The following AGTPBP1 variants were observed in gnomAD, a reference collection of about 807,000 sequenced individuals.
The protein encoded by AGTPBP1 is cytosolic carboxypeptidase 1.
Under a neutral mutation model 143.9 loss-of-function variants are expected in AGTPBP1, and 70 were observed. That is an observed-to-expected ratio of 0.49 (90% CI 0.40 to 0.59). The LOEUF (loss-of-function observed/expected upper bound fraction) is 0.59, where lower values mean the gene tolerates loss of function less well. Ranked by LOEUF, AGTPBP1 falls within the 20% of genes least tolerant of loss-of-function variation. The probability of loss-of-function intolerance (pLI) is 0.00; values close to 1 mark genes in which losing one functional copy is unlikely to be tolerated. For missense variants in AGTPBP1, 1,229 were observed against 1,464.5 expected, an observed-to-expected ratio of 0.84 and a Z score of 2.62; for synonymous variants, 463 against 500.2, an observed-to-expected ratio of 0.93 and a Z score of 0.99.
intron 14 of AGTPBP1, among the ~76,000 whole-genome samples, chr9:85,629,927 T>C (rs1831547486): frequency 1.3e-5 from 2 of 152,208 alleles, no homozygotes; most frequent in Admixed American, 6.5e-5. Flanking sequence ...GAGGCTTATA[T>C]AAAATTATGC....
At chr9:85,603,295 T>C (rs1829785094) in intron 17 of AGTPBP1, among the ~76,000 whole-genome samples, 1 of 152,134 alleles carries the variant, frequency 6.6e-6, no homozygotes, top group African/African-American at 2.4e-5. Flanking sequence ...TAAAAAGGTC[T>C]TTGTCTTGTA....
At chr9:85,597,095 T>G (rs184625345) in intron 17 of AGTPBP1, among the ~76,000 whole-genome samples, 220 of 152,266 alleles carry the variant, frequency 1.4e-3, no homozygotes, top group Non-Finnish European at 2.2e-3. Context: ...CTGGTTTGAC[T>G]TGCCTTAAAT....
At chr9:85,720,285 T>C (rs1838018039) in intron 1 of AGTPBP1, among the ~76,000 whole-genome samples, 1 of 152,214 alleles carries the variant, frequency 6.6e-6, no homozygotes, top group Non-Finnish European at 1.5e-5. Context: ...TGAATCCGTC[T>C]GGTCCCGGAT....
At chr9:85,664,678 T>C (rs139642957) in intron 8 of AGTPBP1, among the ~76,000 whole-genome samples, 76 of 152,296 alleles carry the variant, frequency 5.0e-4, no homozygotes, top group Middle Eastern at 3.4e-3. Context: ...CTCTGTTTAA[T>C]TTCTACATGT....
the AGTPBP1 span, chr9:85,756,331 A>T: frequency 1.4e-6 from 2 of 1,392,564 alleles, no homozygotes; most frequent in South Asian, 3.8e-5. Flanking sequence ...TCAGAAAAAC[A>T]TAATAAGAAA....
At chr9:85,691,784 T>C (rs900210381) in intron 3 of AGTPBP1, among the ~76,000 whole-genome samples, 2 of 152,218 alleles carry the variant, frequency 1.3e-5, no homozygotes, top group African/African-American at 2.4e-5. Flanking sequence ...ATTATGTTCC[T>C]GAGTACAAAG....
intron 19 of AGTPBP1, 57 bp from the exon 20 acceptor site, chr9:85,589,738 C>A: frequency 6.8e-7 from 1 of 1,473,876 alleles, no homozygotes; most frequent in South Asian, 1.3e-5. Flanking sequence ...CTATGATATA[C>A]AGAAATAATG....
At chr9:85,640,590 GA>G (rs1460979040) in intron 13 of AGTPBP1, among the ~76,000 whole-genome samples, 29 of 152,308 alleles carry the variant, frequency 1.9e-4, no homozygotes, top group Admixed American at 5.9e-4. Context: ...CCCAAAGCAG[GA>G]AACTGCTCTA....
chr9:85,763,263 T>C, the AGTPBP1 span, among the ~76,000 whole-genome samples: 2 of 151,426 alleles, frequency 1.3e-5, no homozygotes, highest in African/African-American at 4.9e-5. Context: ...GCACCAACTA[T>C]GAAAAAGGAA....
At chr9:85,591,042 A>G (rs148049448) in intron 19 of AGTPBP1, among the ~76,000 whole-genome samples, 50 of 152,266 alleles carry the variant, frequency 3.3e-4, no homozygotes, top group African/African-American at 8.9e-4. Context: ...CATTTCACAG[A>G]TATTAACTGA....
At chr9:85,622,138 C>T (rs1388115105) in intron 14 of AGTPBP1, among the ~76,000 whole-genome samples, 1 of 152,158 alleles carries the variant, frequency 6.6e-6, no homozygotes. Flanking sequence ...AAAATTTATT[C>T]TCAAAGAGGA....
the AGTPBP1 span, among the ~76,000 whole-genome samples, chr9:85,777,466 A>C: frequency 3.9e-5 from 6 of 152,166 alleles, no homozygotes; most frequent in Non-Finnish European, 8.8e-5. Context: ...AGCCTTGGTG[A>C]GTGGAAGTCC....
rs1472065384 is a variant in AGTPBP1, at chr9:85,642,833, A to G, written c.1296T>C (p.Asp432=). Residue 432 remains aspartate, a synonymous_variant, in exon 13 of 26, where the codon GAT becomes GAC. Transcript: ENST00000357081. The part of the protein sequence containing the change: ...YEHLFPELVD[D]FQDYDLISKE... The stretch of plus-strand genomic sequence containing the variant: ...GAATTTTCTATATTTATACCTGAAA[A>G]TCATCAACAAGCTCAGGGAAAAGGT... 6.2e-7 allele frequency: 1 copy of G among 1,603,928 alleles called. No homozygotes were observed. Among genetic ancestry groups the G allele is most frequent in the Non-Finnish European group, 8.5e-7 (1 of 1,176,448 alleles).
chr9:85,790,632 A>G, the AGTPBP1 span, among the ~76,000 whole-genome samples: 6 of 152,312 alleles, frequency 3.9e-5, no homozygotes, highest in East Asian at 9.6e-4. Context: ...GTCTGTTTTT[A>G]TATTTCCTTC....
At chr9:85,779,278 TATAA>T in the AGTPBP1 span, among the ~76,000 whole-genome samples, 4 of 150,156 alleles carry the variant, frequency 2.7e-5, no homozygotes, top group East Asian at 1.9e-4. Context: ...TAGCTATCTA[TATAA>T]ATATCTATAT....
intron 20 of AGTPBP1, 103 bp from the exon 21 acceptor site, chr9:85,588,581 A>C (rs1219106081): frequency 3.5e-6 from 4 of 1,158,750 alleles, no homozygotes; most frequent in Non-Finnish European, 4.9e-6. Context: ...TGTGAATTCT[A>C]ATATAAATTA....
rs574780880 is a variant in AGTPBP1, at chr9:85,555,371, G to A, written c.3504-8085C>T. 1.2e-4 allele frequency among the ~76,000 whole-genome samples: 19 copies of A among 152,254 alleles called. 1 individual carries two copies. In the South Asian group the frequency reaches 1.5e-3, roughly 12 times the overall value. On this transcript the variant is annotated intron_variant, in intron 25 of 25. Transcript: ENST00000357081. The stretch of plus-strand genomic sequence containing the variant: ...TCCCAGCACTTTGGGAGGCCGAGGC[G>A]GGTAGATCACGAGGTCAGGAAATCG...
chr9:85,787,046 A>T, the AGTPBP1 span, among the ~76,000 whole-genome samples: 18 of 152,122 alleles, frequency 1.2e-4, no homozygotes, highest in African/African-American at 3.9e-4. Flanking sequence ...CACCTGCTGC[A>T]TATGTGGGCT....
At chr9:85,696,364 T>G (rs1259417199) in intron 2 of AGTPBP1, among the ~76,000 whole-genome samples, 1 of 152,186 alleles carries the variant, frequency 6.6e-6, no homozygotes, top group African/African-American at 2.4e-5. Flanking sequence ...TTCTTAATAT[T>G]GTGTAAAAAA....
Sources: gnomAD v4.1 joint callset for allele counts (sites outside exome capture counted in the v4.1 genomes callset) on GRCh38, gnomAD v4.1.1 for gene constraint, MANE v1.5 for transcripts, NCBI Gene and HGNC (gene_info 2026-07-23, HGNC 2026-07-21) for gene names.